Variants in HTR1E observed in about 807,000 individuals in gnomAD.
HTR1E encodes 5-HT-1E.
Under a neutral mutation model 3.4 loss-of-function variants are expected in HTR1E, and 3 were observed. That is an observed-to-expected ratio of 0.89 (90% CI 0.41 to 2.31). The LOEUF (loss-of-function observed/expected upper bound fraction) is 2.31. Among genes scored for constraint, HTR1E ranks in the 30% most tolerant of loss-of-function variants. The pLI, the probability that HTR1E is intolerant of heterozygous loss-of-function variation, is 0.05. For missense variants in HTR1E, 392 were observed against 467.0 expected (o/e 0.84, Z 1.48); for synonymous variants, 170 against 182.8 (o/e 0.93, Z 0.56).
chr6:86,983,220 A>G (rs1342337412), intron 1 of HTR1E, among the ~76,000 whole-genome samples: 1 of 152,226 alleles, frequency 6.6e-6, no homozygotes, highest in Non-Finnish European at 1.5e-5. Context: ...TTTCAACTGA[A>G]ATTAGCAAAT....
intron 1 of HTR1E, among the ~76,000 whole-genome samples, chr6:87,007,329 G>A (rs1768127529): frequency 6.6e-6 from 1 of 152,158 alleles, no homozygotes; most frequent in South Asian, 2.1e-4. Flanking sequence ...GGCTGGGAAG[G>A]GTAGTTGCAG....
chr6:87,015,763 C>G lies in HTR1E; in HGVS notation c.429C>G (p.Ile143Met). 11 of 1,610,086 alleles carry G rather than the reference C, an allele frequency of 6.8e-6. No homozygotes were observed. Among genetic ancestry groups the G allele is most frequent in the Non-Finnish European group, 8.5e-6 (10 of 1,177,592 alleles). The change falls in exon 2 of 2, where the codon ATC becomes ATG. Residue 143 changes from isoleucine to methionine, a missense_variant. Coordinates refer to ENST00000305344, the MANE Select transcript of HTR1E (RefSeq NM_000865.3). ...KRTAKRAALMILTVWTISIFI... is the reference protein window; with the variant it reads ...KRTAKRAALMMLTVWTISIFI... ...CGGCCAAGAGGGCCGCGCTGATGATCCTTACCGTCTGGACCATCTCCATTT... is the reference window on the plus strand; with the variant it reads ...CGGCCAAGAGGGCCGCGCTGATGATGCTTACCGTCTGGACCATCTCCATTT...
At chr6:86,949,540 G>A (rs1767194553) in intron 1 of HTR1E, among the ~76,000 whole-genome samples, 1 of 152,018 alleles carries the variant, frequency 6.6e-6, no homozygotes, top group Non-Finnish European at 1.5e-5. Flanking sequence ...ATATATTTGA[G>A]TATTAAGCTT....
intron 1 of HTR1E, among the ~76,000 whole-genome samples, chr6:86,994,481 C>G (rs1363643664): frequency 6.6e-6 from 1 of 152,010 alleles, no homozygotes; most frequent in Non-Finnish European, 1.5e-5. Flanking sequence ...CAACATTTTT[C>G]AAGTGCTCAC....
Position 86,994,666 on chromosome 6 carries a change from A to G in HTR1E, c.-185-20484A>G, listed in dbSNP as rs77570956. The stretch of plus-strand genomic sequence containing the variant: ...AAATGATAAGGAGAAATCTTAGACC[A>G]TCAGGAAAAAAGGAAAAAAACAGAA... On this transcript the variant is annotated intron_variant, in intron 1 of 1. Transcript: ENST00000305344. 2.7e-3 allele frequency among the ~76,000 whole-genome samples: 417 copies of G among 152,154 alleles called. 1 individual carries two copies. Among genetic ancestry groups the G allele is most frequent in the African/African-American group, 9.6e-3 (399 of 41,536 alleles).
chr6:87,010,090 T>A (rs1231481448), intron 1 of HTR1E, among the ~76,000 whole-genome samples: 1 of 95,174 alleles, frequency 1.1e-5, no homozygotes, highest in Non-Finnish European at 2.0e-5. Flanking sequence ...CCGGACGGGG[T>A]GGCTGGCCGG....
At chr6:87,007,509 A>G (rs1768132363) in intron 1 of HTR1E, among the ~76,000 whole-genome samples, 1 of 152,268 alleles carries the variant, frequency 6.6e-6, no homozygotes, top group African/African-American at 2.4e-5. Context: ...GAAAGAATAA[A>G]TGCTGAGGTA....
At chr6:86,939,155 A>G (rs1008238179) in intron 1 of HTR1E, among the ~76,000 whole-genome samples, 27 of 152,156 alleles carry the variant, frequency 1.8e-4, no homozygotes, top group Non-Finnish European at 2.8e-4. Context: ...AAATGAATGG[A>G]GGCATTTGAG....
At chr6:87,003,830 T>C (rs1768061192) in intron 1 of HTR1E, among the ~76,000 whole-genome samples, 1 of 152,220 alleles carries the variant, frequency 6.6e-6, no homozygotes, top group East Asian at 1.9e-4. Context: ...AACAAACAGT[T>C]GGTTTTTTAA....
chr6:87,015,803 C>G lies in HTR1E; in HGVS notation c.469C>G (p.Pro157Ala), dbSNP rs750676240. The change falls in exon 2 of 2, where the codon CCT (proline) becomes GCT (alanine). Residue 157 changes from proline to alanine, a missense_variant. Coordinates refer to ENST00000305344, the MANE Select transcript of HTR1E (RefSeq NM_000865.3). The stretch of plus-strand genomic sequence containing the variant: ...CATCTCCATTTTCATCTCCATGCCC[C>G]CTCTGTTCTGGAGAAGCCACCGCCG... ...WTISIFISMP[P>A]LFWRSHRRLS... is the part of the protein sequence containing the mutation. The G allele has an allele frequency of 2.5e-6, 4 of 1,612,746 alleles. No homozygotes were observed. The highest frequency in any genetic ancestry group is 1.7e-4 in the Middle Eastern group (1 of 6,052).
rs777168858 is a variant in HTR1E at position 87,016,356 on chromosome 6, C to T, written c.1022C>T (p.Pro341Leu). 1 of 1,614,126 alleles carries T rather than the reference C, an allele frequency of 6.2e-7. No individual in the cohort carries two copies. Among genetic ancestry groups the T allele is most frequent in the Non-Finnish European group, 8.5e-7 (1 of 1,179,996 alleles). Residue 341 changes from proline to leucine, a missense_variant, in exon 2 of 2, where the codon CCT (proline) becomes CTT (leucine). Physicochemically the swap from Pro to Leu is moderately conservative, Grantham distance 98. Coordinates refer to ENST00000305344, the MANE Select transcript of HTR1E (RefSeq NM_000865.3). The part of the protein sequence containing the change: ...WLGYVNSLIN[P>L]LLYTSFNEDF... ...GGTTATGTGAATTCTCTGATCAACC[C>T]TCTGCTCTATACGAGTTTTAATGAA... is the stretch of plus-strand genomic sequence containing the variant.
At chr6:87,010,596 T>G (rs1343435767) in intron 1 of HTR1E, among the ~76,000 whole-genome samples, 1 of 135,414 alleles carries the variant, frequency 7.4e-6, no homozygotes, top group African/African-American at 2.8e-5. Context: ...TGATGGCGGC[T>G]GGGAAGAGGC....
rs149756050 is a variant in HTR1E, at chr6:86,997,092, A to T, written c.-185-18058A>T. Among the ~76,000 whole-genome samples the T allele has an allele frequency of 5.7e-4, 87 of 152,128 alleles. 1 individual carries two copies. The highest frequency in any genetic ancestry group is 2.1e-3 in the African/African-American group (86 of 41,582). Reference sequence around the variant, plus strand: ...ATTAACAAGCTATAGAAGAAAAATCACATGATGATATCAATCAACACAGAA... The same window carrying T: ...ATTAACAAGCTATAGAAGAAAAATCTCATGATGATATCAATCAACACAGAA... On this transcript the variant is annotated intron_variant, in intron 1 of 1. Transcript: ENST00000305344.
At chr6:87,011,367 G>C (rs748076081) in intron 1 of HTR1E, among the ~76,000 whole-genome samples, 17 of 152,188 alleles carry the variant, frequency 1.1e-4, no homozygotes, top group South Asian at 4.1e-4. Flanking sequence ...AAAATGCTGG[G>C]AAGTAAATAG....
chr6:86,973,003 T>C (rs1173587689), intron 1 of HTR1E, among the ~76,000 whole-genome samples: 3 of 152,228 alleles, frequency 2.0e-5, no homozygotes, highest in Non-Finnish European at 2.9e-5. Context: ...AAGCACGTTC[T>C]ACCACTGCTG....
At chr6:86,967,509 T>TATC (rs1346842952) in intron 1 of HTR1E, among the ~76,000 whole-genome samples, 2 of 152,088 alleles carry the variant, frequency 1.3e-5, no homozygotes, top group Non-Finnish European at 2.9e-5. Flanking sequence ...CATAAATAGC[T>TATC]ATTATTATTA....
chr6:86,969,974 G>A (rs991811400), intron 1 of HTR1E, among the ~76,000 whole-genome samples: 4 of 152,216 alleles, frequency 2.6e-5, no homozygotes, highest in Non-Finnish European at 5.9e-5. Context: ...TGGAGGGACA[G>A]GGAAAGCCAT....
intron 1 of HTR1E, among the ~76,000 whole-genome samples, chr6:86,982,670 T>C (rs1426520918): frequency 2.0e-5 from 3 of 152,110 alleles, no homozygotes; most frequent in African/African-American, 4.8e-5. Context: ...AATCTGACTA[T>C]GCAAAAATGA....
chr6:86,961,748 C>T (rs1027254434), intron 1 of HTR1E, among the ~76,000 whole-genome samples: 2 of 152,188 alleles, frequency 1.3e-5, no homozygotes, highest in Non-Finnish European at 2.9e-5. Flanking sequence ...TTTTGTAATG[C>T]ACACATATGC....
Sources: allele counts gnomAD v4.1 joint callset (sites outside exome capture counted in the v4.1 genomes callset), GRCh38; gene constraint gnomAD v4.1.1; transcripts MANE v1.5; gene names NCBI Gene and HGNC (gene_info 2026-07-23, HGNC 2026-07-21).